The following NCALD variants were observed in gnomAD, a reference collection of about 807,000 sequenced individuals.
NCALD encodes neurocalcin delta.
NCALD carries 10 observed loss-of-function variants against 18.6 expected under a neutral mutation model. The observed-to-expected ratio is 0.54, with a 90% confidence interval of 0.33 to 0.91. The LOEUF (loss-of-function observed/expected upper bound fraction) is 0.91, where lower values mean the gene tolerates loss of function less well. Ranked by LOEUF, NCALD falls within the 40% of genes least tolerant of loss-of-function variation. NCALD has a pLI of 0.03. For synonymous variants in NCALD, 88 were observed against 87.4 expected (o/e 1.01, Z -0.04); for missense variants, 184 against 247.6 (o/e 0.74, Z 1.72).
chr8:102,020,394 T>C (rs1204589047), intron 1 of NCALD: 1 of 152,210 alleles, frequency 6.6e-6, no homozygotes, highest in Admixed American at 6.5e-5. Context: ...TTAATATACA[T>C]AAAATACAAA....
intron 1 of NCALD, among the ~76,000 whole-genome samples, chr8:102,104,202 G>A (rs1413221937): frequency 1.3e-5 from 2 of 152,182 alleles, no homozygotes; most frequent in African/African-American, 2.4e-5. Flanking sequence ...TTCCCAGTGA[G>A]TATTAAGATC....
intron 1 of NCALD, among the ~76,000 whole-genome samples, chr8:102,093,995 C>T (rs1278937554): frequency 6.6e-6 from 1 of 152,094 alleles, no homozygotes; most frequent in Non-Finnish European, 1.5e-5. Flanking sequence ...ATCCCTAAGG[C>T]AATTATTTAT....
intron 2 of NCALD, among the ~76,000 whole-genome samples, chr8:101,984,776 C>T (rs1375137874): frequency 6.6e-6 from 1 of 152,196 alleles, no homozygotes; most frequent in African/African-American, 2.4e-5. Context: ...AAACCCAGCA[C>T]TTGACTTTTA....
chr8:101,782,904 C>T (rs1481414073), intron 1 of NCALD, among the ~76,000 whole-genome samples: 1 of 152,228 alleles, frequency 6.6e-6, no homozygotes, highest in Non-Finnish European at 1.5e-5. Flanking sequence ...CCCTCAAATG[C>T]AGATGCCATC....
chr8:101,929,767 T>A (rs1173460300), intron 2 of NCALD, among the ~76,000 whole-genome samples: 1 of 151,904 alleles, frequency 6.6e-6, no homozygotes, highest in African/African-American at 2.4e-5. Context: ...ACCTCTTTAT[T>A]AAAAATACAA....
At chr8:102,087,659 C>T (rs1337459377) in intron 1 of NCALD, among the ~76,000 whole-genome samples, 2 of 152,164 alleles carry the variant, frequency 1.3e-5, no homozygotes, top group East Asian at 1.9e-4. Context: ...CTGCTATTCT[C>T]TTTGGATTAA....
upstream of NCALD, among the ~76,000 whole-genome samples, chr8:101,795,229 T>G (rs1206203253): frequency 6.6e-6 from 1 of 152,208 alleles, no homozygotes; most frequent in Non-Finnish European, 1.5e-5. Context: ...ATATTTTTAA[T>G]GGCTGGAAGA....
chr8:101,984,701 C>T (rs140111010), intron 2 of NCALD, among the ~76,000 whole-genome samples: 1,719 of 152,320 alleles, frequency 0.011, 17 homozygotes, highest in Non-Finnish European at 0.013. Flanking sequence ...CCATTTGAAG[C>T]AAGCGGAGTA....
intron 1 of NCALD, among the ~76,000 whole-genome samples, chr8:101,739,999 C>T (rs1810117535): frequency 1.3e-5 from 2 of 152,204 alleles, no homozygotes; most frequent in African/African-American, 4.8e-5. Flanking sequence ...GCTATAACCC[C>T]AGTGCCTAGA....
At chr8:101,740,944 T>C (rs1810159262) in intron 1 of NCALD, among the ~76,000 whole-genome samples, 1 of 152,244 alleles carries the variant, frequency 6.6e-6, no homozygotes, top group African/African-American at 2.4e-5. Context: ...CTTTATTTTT[T>C]CTAGTCTAAT....
intron 1 of NCALD, among the ~76,000 whole-genome samples, chr8:101,769,428 A>G (rs1811489820): frequency 6.6e-6 from 1 of 152,134 alleles, no homozygotes; most frequent in Admixed American, 6.5e-5. Flanking sequence ...ATAATATACT[A>G]CCTATAAGCT....
chr8:101,733,396 C>T (rs1031885072), intron 1 of NCALD, among the ~76,000 whole-genome samples: 1 of 152,138 alleles, frequency 6.6e-6, no homozygotes, highest in African/African-American at 2.4e-5. Flanking sequence ...TGACCTTGGG[C>T]AAGTCCTTGA....
At chr8:101,983,063 C>A (rs1307856171) in intron 2 of NCALD, among the ~76,000 whole-genome samples, 8 of 152,026 alleles carry the variant, frequency 5.3e-5, no homozygotes, top group Non-Finnish European at 1.2e-4. Context: ...GTGACTAGAC[C>A]CCCAAGCGGC....
chr8:101,688,532 A>T lies in NCALD; in HGVS notation c.*777T>A, dbSNP rs900329898. ...AACATGCATTTCATTTAAACAAGGC[A>T]AAACACTTAATTTGGTCTGCATTAC... On this transcript the variant is annotated 3_prime_UTR_variant, in exon 4 of 4. Coordinates refer to ENST00000220931, the MANE Select transcript of NCALD (RefSeq NM_032041.3). 8.0e-6 allele frequency: 3 copies of T among 373,416 alleles called. No homozygotes were observed. The highest frequency in any genetic ancestry group is 6.7e-5 in the Admixed American group (2 of 29,674). 23.1% of individuals were successfully genotyped at this position (373,416 alleles called of 1,614,324 possible).
chr8:101,690,567 G>C, intron 3 of NCALD: 2 of 985,364 alleles, frequency 2.0e-6, no homozygotes, highest in South Asian at 9.4e-5. Context: ...CCTGACAGGA[G>C]GGGGCCTCCC....
chr8:102,072,743 T>C (rs1824217368), intron 1 of NCALD, among the ~76,000 whole-genome samples: 1 of 152,154 alleles, frequency 6.6e-6, no homozygotes, highest in Admixed American at 6.5e-5. Context: ...AAAGCCAAAA[T>C]ACATACAAAA....
intron 1 of NCALD, among the ~76,000 whole-genome samples, chr8:102,036,498 G>C (rs2132159403): frequency 6.6e-6 from 1 of 152,168 alleles, no homozygotes; most frequent in East Asian, 1.9e-4. Context: ...TAAGAGGCCG[G>C]GTATGGTGGC....
intron 2 of NCALD, among the ~76,000 whole-genome samples, chr8:101,958,200 T>C (rs7010848): frequency 0.44 from 66,473 of 151,912 alleles, 14,860 homozygotes; most frequent in Admixed American, 0.5. Context: ...AATTAACTTT[T>C]GGATCTCCAT....
intron 2 of NCALD, among the ~76,000 whole-genome samples, chr8:102,006,712 G>T (rs868058215): frequency 6.6e-6 from 1 of 152,210 alleles, no homozygotes; most frequent in African/African-American, 2.4e-5. Flanking sequence ...TACTGCTCCC[G>T]CTGGGTGGCT....
Sources: gnomAD v4.1 joint callset for allele counts (sites outside exome capture counted in the v4.1 genomes callset) on GRCh38, gnomAD v4.1.1 for gene constraint, MANE v1.5 for transcripts, NCBI Gene and HGNC (gene_info 2026-07-23, HGNC 2026-07-21) for gene names.